The following FRMD1 variants were observed in gnomAD, a reference collection of about 807,000 sequenced individuals.
FRMD1 encodes FERM domain-containing protein 1.
Under a neutral mutation model 54.9 loss-of-function variants are expected in FRMD1, and 51 were observed. The observed-to-expected ratio is 0.93, with a 90% CI of 0.74 to 1.17. The LOEUF (loss-of-function observed/expected upper bound fraction) is 1.17. Ranked by LOEUF, FRMD1 falls within the 50% of genes most tolerant of loss-of-function variation. The pLI, the probability that FRMD1 is intolerant of heterozygous loss-of-function variation, is 0.00. For missense variants in FRMD1, 729 were observed against 743.0 expected (o/e 0.98, Z 0.22); for synonymous variants, 324 against 306.4 (o/e 1.06, Z -0.60).
rs1408029737 is a variant in FRMD1, at chr6:168,054,749, C to G, written c.*2348G>C. ...GCTGCTTTCTGTCTGGGAAGGAGCC[C>G]CCTCCCAGGATGGCCTTCTGCTTCC... On this transcript the variant is annotated 3_prime_UTR_variant, in exon 11 of 11. Coordinates refer to ENST00000283309, the MANE Select transcript of FRMD1 (RefSeq NM_024919.6). 1 of 152,350 alleles carries G rather than the reference C, an allele frequency of 6.6e-6. No homozygotes were observed. The highest frequency in any genetic ancestry group is 1.5e-5 in the Non-Finnish European group (1 of 68,134). The allele number at this position is 152,350 out of a possible 1,614,324, so 9.4% of individuals were successfully genotyped here.
rs1303029694 is a variant in FRMD1 at position 168,059,147 on chromosome 6, G to A, written c.1384C>T (p.Gln462Ter). 7 of 1,583,798 alleles carry A rather than the reference G, an allele frequency of 4.4e-6. No individual in the cohort carries two copies. The highest frequency in any genetic ancestry group is 6.0e-6 in the Non-Finnish European group (7 of 1,168,866). ...ACCTGGTGCACGGCCTCGGCGCTCT[G>A]GCCTCTGGTCCTGACCTGGGTGCAG... ...EPCTQVRTRG[Q>*]SAEAVHQIQE... is the part of the protein sequence containing the mutation. The change falls in exon 10 of 11, where the codon CAG (glutamine) becomes TAG (stop). Residue 462 changes from glutamine (Q) to a stop codon, truncating the protein, a stop_gained. Transcript: ENST00000283309. LOFTEE classifies it low-confidence loss of function (END_TRUNC). The surrounding 1 kb of genome is among the most constrained non-coding windows in gnomAD (Gnocchi z 4.4).
chr6:168,058,100 C>T (rs901565444), intron 10 of FRMD1, among the ~76,000 whole-genome samples: 2 of 152,214 alleles, frequency 1.3e-5, no homozygotes, highest in South Asian at 2.1e-4. Context: ...GATGGGCCCG[C>T]GCCTGCCAGG....
chr6:168,074,413 G>A (rs1188018483), intron 2 of FRMD1, among the ~76,000 whole-genome samples: 1 of 152,184 alleles, frequency 6.6e-6, no homozygotes, highest in Non-Finnish European at 1.5e-5. Context: ...GTAACTGCAT[G>A]TGTGTGGTGC....
intron 7 of FRMD1, 52 bp downstream of exon 7, chr6:168,062,842 G>C: frequency 6.2e-7 from 1 of 1,601,936 alleles, no homozygotes; most frequent in Non-Finnish European, 8.6e-7. Context: ...GAAGGGAGGA[G>C]GGGGTGGGGG....
chr6:168,076,389 T>C (rs1415271378), intron 1 of FRMD1, among the ~76,000 whole-genome samples: 3 of 152,252 alleles, frequency 2.0e-5, no homozygotes, highest in Non-Finnish European at 2.9e-5. Context: ...ATGGTTTGGC[T>C]GTGTCCCCAC....
rs550548231 is a variant in FRMD1 at position 168,064,261 on chromosome 6, TAG to T, written c.649-507_649-506del. Among the ~76,000 whole-genome samples, 34 of 152,194 alleles carry T rather than the reference TAG, an allele frequency of 2.2e-4. No individual in the cohort carries two copies. In the East Asian group the frequency reaches 6.6e-3, roughly 29 times the overall value. ...TGAGAAGGCCCCAAGGTGCACAGGA[TAG>T]AGAGGTACACAGGGATGAGCGGTCA... On this transcript the variant is annotated intron_variant, in intron 5 of 10. Coordinates refer to ENST00000283309, the MANE Select transcript of FRMD1 (RefSeq NM_024919.6).
chr6:168,089,409 G>A (rs1464629074), intron 1 of FRMD1, among the ~76,000 whole-genome samples: 7 of 152,236 alleles, frequency 4.6e-5, no homozygotes, highest in African/African-American at 7.2e-5. Flanking sequence ...GGCTGTGGCC[G>A]CTTCCTCCTT....
At chr6:168,062,732 T>C in intron 7 of FRMD1, 162 bp downstream of exon 7, 2 of 1,560,330 alleles carry the variant, frequency 1.3e-6, no homozygotes, top group Non-Finnish European at 1.7e-6. Context: ...CGGAGCACGG[T>C]CCACCTCCTG....
chr6:168,062,841 A>C (rs1799822876), intron 7 of FRMD1, 53 bp downstream of exon 7: 1 of 1,599,692 alleles, frequency 6.3e-7, no homozygotes, highest in African/African-American at 1.3e-5. Flanking sequence ...GGAAGGGAGG[A>C]GGGGGTGGGG....
intron 1 of FRMD1, among the ~76,000 whole-genome samples, chr6:168,087,110 C>T (rs553240835): frequency 5.3e-5 from 8 of 152,194 alleles, no homozygotes; most frequent in African/African-American, 1.9e-4. Flanking sequence ...CTCTGTTGCC[C>T]AGGCTGGAAT....
chr6:168,082,132 C>T (rs1388717522), upstream of FRMD1, among the ~76,000 whole-genome samples: 1 of 152,166 alleles, frequency 6.6e-6, no homozygotes, highest in Non-Finnish European at 1.5e-5. Flanking sequence ...GCCTTCATGT[C>T]CGGGAATGCT....
intron 2 of FRMD1, among the ~76,000 whole-genome samples, chr6:168,074,960 G>A (rs1441735714): frequency 6.6e-6 from 1 of 151,718 alleles, no homozygotes; most frequent in Non-Finnish European, 1.5e-5. Flanking sequence ...TGTGGCGTGT[G>A]CATGTGTACA....
At chr6:168,091,750 G>A (rs1313305549) in intron 1 of FRMD1, among the ~76,000 whole-genome samples, 4 of 152,240 alleles carry the variant, frequency 2.6e-5, no homozygotes, top group Admixed American at 6.5e-5. Flanking sequence ...TAGCTCCTCA[G>A]ACAGACAGGC....
At chr6:168,072,932 G>C (rs1423841121) in intron 2 of FRMD1, among the ~76,000 whole-genome samples, 1 of 152,198 alleles carries the variant, frequency 6.6e-6, no homozygotes, top group Non-Finnish European at 1.5e-5. Context: ...GTGATTAAAA[G>C]TGGGGCCTGG....
rs1174294273 is a variant in FRMD1, at chr6:168,064,866, C to T, written c.648+5G>A. On this transcript the variant is annotated splice_donor_5th_base_variant and intron_variant, in intron 5 of 10. Coordinates refer to ENST00000283309, the MANE Select transcript of FRMD1 (RefSeq NM_024919.6). ...GTGCTGGGAGGAGGTGGGCCCTGAC[C>T]TTACCCACTGTGGGAAGTAGGAGTG... is the stretch of plus-strand genomic sequence containing the variant. 5 of 1,556,340 alleles carry T rather than the reference C, an allele frequency of 3.2e-6. 1 individual carries two copies. The highest frequency in any genetic ancestry group is 4.3e-6 in the Non-Finnish European group (5 of 1,150,052).
chr6:168,074,182 C>T (rs891388052), intron 2 of FRMD1, among the ~76,000 whole-genome samples: 2 of 152,144 alleles, frequency 1.3e-5, no homozygotes, highest in Non-Finnish European at 2.9e-5. Flanking sequence ...TTCCATGCGA[C>T]ACAATCCAGC....
rs533764300 is a variant in FRMD1, at chr6:168,065,044, G to A, written c.475C>T (p.Arg159Trp). Residue 159 changes from arginine to tryptophan, a missense_variant, in exon 5 of 11, where the codon CGG becomes TGG. Transcript: ENST00000283309. ...TTCAAGTGGCAGTAGTACAGGTGCCGTGCCCTGTGGTCGCTGGAAGGTGGC... is the reference window on the plus strand; with the variant it reads ...TTCAAGTGGCAGTAGTACAGGTGCCATGCCCTGTGGTCGCTGGAAGGTGGC... ...NGRVISDHRARHLYYCHLKER... is the reference protein window; with the variant it reads ...NGRVISDHRAWHLYYCHLKER... The A allele has an allele frequency of 2.9e-5, 46 of 1,600,906 alleles. No homozygotes were observed. Among genetic ancestry groups the A allele is most frequent in the Admixed American group, 1.3e-4 (8 of 59,776 alleles).
chr6:168,087,986 G>A (rs557788908), intron 1 of FRMD1, among the ~76,000 whole-genome samples: 29 of 152,316 alleles, frequency 1.9e-4, no homozygotes, highest in Non-Finnish European at 3.4e-4. Flanking sequence ...CAGTGAGGGC[G>A]GGGCTCTGTG....
intron 10 of FRMD1, 63 bp from the exon 11 acceptor site, chr6:168,057,402 CAGCCACACTGCTTGTGGCCACAG>C (rs2114941813): frequency 4.4e-6 from 7 of 1,575,804 alleles, no homozygotes; most frequent in African/African-American, 4.0e-5. Flanking sequence ...CCGCACACGG[CAGCCACACTGCTTGTGGCCACAG>C]AGCCACACTC....
Sources: gnomAD v4.1 joint callset for allele counts (sites outside exome capture counted in the v4.1 genomes callset) on GRCh38, gnomAD v4.1.1 for gene constraint, Gnocchi (gnomAD v3.1) non-coding constraint, MANE v1.5 for transcripts, NCBI Gene and HGNC (gene_info 2026-07-23, HGNC 2026-07-21) for gene names.